Variants in EVI5L observed in about 807,000 individuals in gnomAD.
The protein encoded by EVI5L is EVI5-like protein.
A neutral mutation model predicts 106.1 loss-of-function variants in EVI5L; 30 were observed. That is an observed-to-expected ratio of 0.28 (90% confidence interval 0.21 to 0.38). The LOEUF (loss-of-function observed/expected upper bound fraction) is 0.38. Among genes scored for constraint, EVI5L ranks in the 10% least tolerant of loss-of-function variants. EVI5L has a pLI of 1.00. For synonymous variants in EVI5L, 489 were observed against 483.3 expected (o/e 1.01, Z -0.15); for missense variants, 809 against 1,098.0 (o/e 0.74, Z 3.72).
chr19:7,850,117 C>A lies in EVI5L; in HGVS notation c.748C>A (p.Leu250Met). Residue 250 changes from leucine to methionine, a missense_variant, in exon 6 of 20, where the codon CTG becomes ATG. By Grantham distance (15) the Leu-to-Met change is conservative (BLOSUM62 2). Coordinates refer to ENST00000538904, the MANE Select transcript of EVI5L (RefSeq NM_001159944.3). This position sits in a 1 kb window ranked among gnomAD's most constrained non-coding sequence, Gnocchi z 5.4. ...CTGCATCTATCAGTTCGAGTACATG[C>A]TGCAGGTGAGCAGGGCCGCAGGAGA... is the stretch of plus-strand genomic sequence containing the variant. ...GLCIYQFEYMLQEQLPDLNTH... is the reference protein window; with the variant it reads ...GLCIYQFEYMMQEQLPDLNTH... The A allele has an allele frequency of 6.2e-7, 1 of 1,604,014 alleles. No homozygotes were observed. Among genetic ancestry groups the A allele is most frequent in the Non-Finnish European group, 8.5e-7 (1 of 1,175,726 alleles).
Position 7,857,516 on chromosome 19 carries a change from G to C in EVI5L, c.1233+392G>C, listed in dbSNP as rs925686146. On this transcript the variant is annotated intron_variant, in intron 12 of 19. Coordinates refer to ENST00000538904, the MANE Select transcript of EVI5L (RefSeq NM_001159944.3). This position sits in a 1 kb window ranked among gnomAD's most constrained non-coding sequence, Gnocchi z 4.5. ...TGCACACACACACACGCACACACAC[G>C]CCCGGCCCTCACGCTGCTGCTCTCT... The C allele has an allele frequency of 3.0e-6, 1 of 334,374 alleles. No individual in the cohort carries two copies. The highest frequency in any genetic ancestry group is 5.6e-6 in the Non-Finnish European group (1 of 178,206). 20.7% of individuals were successfully genotyped at this position (334,374 alleles called of 1,614,324 possible). A position where few individuals can be genotyped will look rare whatever the true frequency, so the allele number is the denominator to read the frequency against.
chr19:7,864,580 A>C lies in EVI5L; in HGVS notation c.*878A>C, dbSNP rs1980030020. 1 of 152,246 alleles carries C rather than the reference A, an allele frequency of 6.6e-6. No homozygotes were observed. 9.4% of individuals were successfully genotyped at this position (152,246 alleles called of 1,614,324 possible). A position where few individuals can be genotyped will look rare whatever the true frequency, so the allele number is the denominator to read the frequency against. On this transcript the variant is annotated 3_prime_UTR_variant, in exon 20 of 20. Transcript: ENST00000538904. The surrounding 1 kb of genome is among the most constrained non-coding windows in gnomAD (Gnocchi z 4.5). ...GCCCCCAGGCAGGAGCTTCCCAGCG[A>C]GCGGCCTCCCCTCACTTCCTCCTGG...
In EVI5L at chr19:7,863,624, G is replaced by A. The variant is rs1164032865; in HGVS notation, c.2340G>A (p.Pro780=). Residue 780 remains proline, a synonymous_variant, in exon 20 of 20, where the codon CCG becomes CCA. Coordinates refer to ENST00000538904, the MANE Select transcript of EVI5L (RefSeq NM_001159944.3). This position sits in a 1 kb window ranked among gnomAD's most constrained non-coding sequence, Gnocchi z 7.7. The part of the protein sequence containing the change: ...DARFFRRLER[P]AKDSEGSSDS... ...GCTTCTTCCGCCGTCTGGAGCGGCC[G>A]GCCAAGGACAGCGAGGGCAGCTCAG... The A allele has an allele frequency of 6.4e-7, 1 of 1,556,416 alleles. No individual in the cohort carries two copies. The highest frequency in any genetic ancestry group is 2.4e-5 in the East Asian group (1 of 41,382).
Position 7,852,947 on chromosome 19 carries a change from C to T in EVI5L, c.988-139C>T, listed in dbSNP as rs192711713. 5.1e-4 allele frequency: 384 copies of T among 752,258 alleles called. 1 individual carries two copies. In the African/African-American group the frequency reaches 6.0e-3, roughly 12 times the overall value. The allele number at this position is 752,258 out of a possible 1,614,324, so 46.6% of individuals were successfully genotyped here. A position where few individuals can be genotyped will look rare whatever the true frequency, so the allele number is the denominator to read the frequency against. ...CAGTCTTTCCATTGCTCCACAAACA[C>T]TGAGGACACGGCGTTGAGGACATGG... is the stretch of plus-strand genomic sequence containing the variant. On this transcript the variant is annotated intron_variant, in intron 8 of 19. Coordinates refer to ENST00000538904, the MANE Select transcript of EVI5L (RefSeq NM_001159944.3).
rs1238837342 is a variant in EVI5L at position 7,850,262 on chromosome 19, C to A, written c.753+140C>A. 2 of 1,261,662 alleles carry A rather than the reference C, an allele frequency of 1.6e-6. No homozygotes were observed. The highest frequency in any genetic ancestry group is 2.1e-6 in the Non-Finnish European group (2 of 932,852). 78.2% of individuals were successfully genotyped at this position (1,261,662 alleles called of 1,614,324 possible). A position where few individuals can be genotyped will look rare whatever the true frequency, so the allele number is the denominator to read the frequency against. On this transcript the variant is annotated intron_variant, in intron 6 of 19. Transcript: ENST00000538904. This position sits in a 1 kb window ranked among gnomAD's most constrained non-coding sequence, Gnocchi z 5.4. ...CACCTCTTGGACTGAAAATTCCAAGCCTGTGAAATCACACCTGGACGTTCC... is the reference window on the plus strand; with the variant it reads ...CACCTCTTGGACTGAAAATTCCAAGACTGTGAAATCACACCTGGACGTTCC...
In EVI5L at chr19:7,862,241, C is replaced by T. The variant is rs771617710; in HGVS notation, c.1764C>T (p.Arg588=). 3 of 1,574,054 alleles carry T rather than the reference C, an allele frequency of 1.9e-6. No homozygotes were observed. Among genetic ancestry groups the T allele is most frequent in the African/African-American group, 2.7e-5 (2 of 74,254 alleles). The change falls in exon 16 of 20, where the codon CGC becomes CGT. Residue 588 remains arginine (R), a synonymous_variant. Transcript: ENST00000538904. ...LREAQALAEG[R]ELRQRVVELE... is the part of the protein sequence containing the mutation. ...AGGCCCAGGCCCTGGCCGAGGGCCG[C>T]GAGCTGCGGCAGCGCGTGGTGGAAC...
chr19:7,846,493 C>G lies in EVI5L; in HGVS notation c.-47-3C>G. On this transcript the variant is annotated splice_polypyrimidine_tract_variant and splice_region_variant and intron_variant, in intron 1 of 19. Transcript: ENST00000538904. ...GCCGACCACGCATGTCTCTGGCCCC[C>G]AGACAGAGCTGTGAACCAACCCCGC... The G allele has an allele frequency of 1.3e-6, 2 of 1,561,378 alleles. No homozygotes were observed. Among genetic ancestry groups the G allele is most frequent in the Non-Finnish European group, 1.7e-6 (2 of 1,153,514 alleles).
chr19:7,863,058 G>A lies in EVI5L; in HGVS notation c.2034G>A (p.Leu678=). The A allele has an allele frequency of 6.4e-7, 1 of 1,558,394 alleles. No individual in the cohort carries two copies. The highest frequency in any genetic ancestry group is 8.6e-7 in the Non-Finnish European group (1 of 1,159,036). The change falls in exon 18 of 20, where the codon CTG becomes CTA. Residue 678 remains leucine (L), a synonymous_variant. Coordinates refer to ENST00000538904, the MANE Select transcript of EVI5L (RefSeq NM_001159944.3). The surrounding 1 kb of genome is among the most constrained non-coding windows in gnomAD (Gnocchi z 7.7). The part of the protein sequence containing the change: ...VAEMRQRIAE[L]EIQREEGRIQ... ...AGATGCGGCAGCGCATTGCCGAGCT[G>A]GAGATCCAGGTGATCGGCGGGGCCG...
chr19:7,837,923 G>A (rs951280303), intron 1 of EVI5L, among the ~76,000 whole-genome samples: 3 of 151,412 alleles, frequency 2.0e-5, no homozygotes, highest in South Asian at 2.1e-4. Flanking sequence ...GGCTGGTCTC[G>A]AACCCCTGAC....
rs1979204235 is a variant in EVI5L, at chr19:7,850,710, C to CA, written c.753+589dup. ...ACAGCCCCACTCCCTGGGCCTGGAT[C>CA]ATGGACGGTGCTGTAGCCTTAGGGG... On this transcript the variant is annotated intron_variant, in intron 6 of 19. Coordinates refer to ENST00000538904, the MANE Select transcript of EVI5L (RefSeq NM_001159944.3). This position sits in a 1 kb window ranked among gnomAD's most constrained non-coding sequence, Gnocchi z 5.4. 6.6e-6 allele frequency among the ~76,000 whole-genome samples: 1 copy of CA among 152,166 alleles called. No individual in the cohort carries two copies. Among genetic ancestry groups the CA allele is most frequent in the African/African-American group, 2.4e-5 (1 of 41,438 alleles).
intron 1 of EVI5L, among the ~76,000 whole-genome samples, chr19:7,843,870 G>C (rs572847591): frequency 1.4e-4 from 21 of 152,068 alleles, no homozygotes; most frequent in Admixed American, 3.3e-4. Flanking sequence ...TCCACTGAGA[G>C]AGTCTGGGGA....
At chr19:7,847,652 G>C in intron 2 of EVI5L, 80 bp from the exon 3 acceptor site, 1 of 1,481,174 alleles carries the variant, frequency 6.8e-7, no homozygotes, top group Non-Finnish European at 9.2e-7. Flanking sequence ...CCCCCAGGAG[G>C]GGGAGGATGG....
intron 1 of EVI5L, among the ~76,000 whole-genome samples, chr19:7,840,226 C>G (rs78442916): frequency 0.023 from 3,462 of 152,346 alleles, 140 homozygotes; most frequent in African/African-American, 0.077. Flanking sequence ...CGCCTGTAAT[C>G]CCAGCACTTT....
At chr19:7,853,719 C>T (rs372539524) in intron 10 of EVI5L, 11 of 292,458 alleles carry the variant, frequency 3.8e-5, no homozygotes, top group South Asian at 3.4e-4. Flanking sequence ...AGGCCCAGGG[C>T]AGCAGCGTGC....
intron 1 of EVI5L, among the ~76,000 whole-genome samples, chr19:7,837,922 C>T (rs1277512046): frequency 6.6e-6 from 1 of 151,644 alleles, no homozygotes; most frequent in African/African-American, 2.4e-5. Flanking sequence ...AGGCTGGTCT[C>T]GAACCCCTGA....
In EVI5L at chr19:7,863,207, G is replaced by A. The variant is rs1480111178; in HGVS notation, c.2066G>A (p.Gly689Asp). The A allele has an allele frequency of 6.4e-7, 1 of 1,559,642 alleles. No individual in the cohort carries two copies. Among genetic ancestry groups the A allele is most frequent in the South Asian group, 1.2e-5 (1 of 84,660 alleles). Residue 689 changes from glycine (G) to aspartate (D), a missense_variant, in exon 19 of 20, where the codon GGC becomes GAC. Gly to Asp is a moderately conservative substitution (Grantham distance 94). Coordinates refer to ENST00000538904, the MANE Select transcript of EVI5L (RefSeq NM_001159944.3). This position sits in a 1 kb window ranked among gnomAD's most constrained non-coding sequence, Gnocchi z 7.7. ...EIQREEGRIQ[G>D]QLNHSDSSQY... ...CAGAGGGAGGAAGGCCGCATCCAGGGCCAGCTGAACCACTCGGACTCATCG... is the reference window on the plus strand; with the variant it reads ...CAGAGGGAGGAAGGCCGCATCCAGGACCAGCTGAACCACTCGGACTCATCG...
rs1045282633 is a variant in EVI5L at position 7,846,056 on chromosome 19, G to A, written c.-47-440G>A. On this transcript the variant is annotated intron_variant, in intron 1 of 19. Transcript: ENST00000538904. The stretch of plus-strand genomic sequence containing the variant: ...TGATATGGGGCTCCCAGGGCAGGCC[G>A]TGGCGGGGACGGGGACAAAGCTATT... Among the ~76,000 whole-genome samples, 7 of 152,248 alleles carry A rather than the reference G, an allele frequency of 4.6e-5. 1 individual carries two copies. Among genetic ancestry groups the A allele is most frequent in the South Asian group, 2.1e-4 (1 of 4,830 alleles).
At position 7,835,565 on chromosome 19, in the gene EVI5L, GC is replaced by G. The variant is rs1355535896; in HGVS notation, c.-48+5185del. ...TAGAGGAAGGATTTGAACCCAGGCT[GC>G]AAGCTCTGAAGTTCTCACCTGGAGC... On this transcript the variant is annotated intron_variant, in intron 1 of 19. Transcript: ENST00000538904. This position sits in a 1 kb window ranked among gnomAD's most constrained non-coding sequence, Gnocchi z 4.1. 2.0e-5 allele frequency among the ~76,000 whole-genome samples: 3 copies of G among 152,170 alleles called. No homozygotes were observed. The highest frequency in any genetic ancestry group is 1.3e-4 in the Admixed American group (2 of 15,260).
chr19:7,855,470 G>A (rs908392500), intron 10 of EVI5L, among the ~76,000 whole-genome samples: 1 of 152,216 alleles, frequency 6.6e-6, no homozygotes, highest in African/African-American at 2.4e-5. Flanking sequence ...CGAAACCCCA[G>A]CCAGGGAACA....
Sources: allele counts gnomAD v4.1 joint callset (sites outside exome capture counted in the v4.1 genomes callset), GRCh38; gene constraint gnomAD v4.1.1; non-coding constraint Gnocchi (gnomAD v3.1); transcripts MANE v1.5; gene names NCBI Gene and HGNC (gene_info 2026-07-23, HGNC 2026-07-21).